The following RSBN1 variants were observed in gnomAD, a reference collection of about 807,000 sequenced individuals.
RSBN1 encodes round spermatid basic protein 1.
Under a neutral mutation model 74.8 loss-of-function variants are expected in RSBN1, and 23 were observed. The observed-to-expected ratio is 0.31, with a 90% CI of 0.22 to 0.44. The LOEUF (loss-of-function observed/expected upper bound fraction) is 0.44. Ranked by LOEUF, RSBN1 falls within the 20% of genes least tolerant of loss-of-function variation. The pLI, the probability that RSBN1 is intolerant of heterozygous loss-of-function variation, is 1.00. For missense variants in RSBN1, 808 were observed against 1,020.9 expected, an observed-to-expected ratio of 0.79 and a Z score of 2.84; for synonymous variants, 407 against 379.6, an observed-to-expected ratio of 1.07 and a Z score of -0.84.
At position 113,811,747 on chromosome 1, in the gene RSBN1, C is replaced by A. The variant is rs377132968; in HGVS notation, c.666G>T (p.Arg222Ser). ...KHKDKQENGE[R>S]TGGVPLIKAP... ...CTTTGATCAGAGGCACCCCTCCAGT[C>A]CTCTCGCCGTTTTCCTGCTTGTCCT... The change falls in exon 1 of 7, where the codon AGG becomes AGT. Residue 222 changes from arginine to serine, a missense_variant. Physicochemically the swap from Arg to Ser is moderately radical, Grantham distance 110. Around this residue, in one of 6 missense-constraint regions of RSBN1, gnomAD observed 464 missense variants for 401.0 expected, o/e 1.16. Coordinates refer to ENST00000261441, the MANE Select transcript of RSBN1 (RefSeq NM_018364.5). 4 of 1,611,540 alleles carry A rather than the reference C, an allele frequency of 2.5e-6. No homozygotes were observed. The highest frequency in any genetic ancestry group is 1.1e-5 in the South Asian group (1 of 90,592).
At chr1:113,807,746 A>G (rs1660737199) in intron 1 of RSBN1, among the ~76,000 whole-genome samples, 1 of 150,938 alleles carries the variant, frequency 6.6e-6, no homozygotes, top group African/African-American at 2.4e-5. Context: ...GGGCAACAAG[A>G]GTGAAATTCT....
intron 1 of RSBN1, among the ~76,000 whole-genome samples, chr1:113,802,011 G>A (rs917946661): frequency 6.6e-5 from 10 of 151,328 alleles, no homozygotes; most frequent in African/African-American, 2.4e-4. Flanking sequence ...CTGGAGGGCA[G>A]TGGCGCAATC....
intron 4 of RSBN1, among the ~76,000 whole-genome samples, chr1:113,770,211 G>A (rs753984235): frequency 1.3e-5 from 2 of 152,204 alleles, no homozygotes; most frequent in Non-Finnish European, 2.9e-5. Flanking sequence ...AGAAGTACAA[G>A]AAAAGATACT....
chr1:113,778,707 G>A (rs764766124), intron 2 of RSBN1, among the ~76,000 whole-genome samples: 7 of 152,006 alleles, frequency 4.6e-5, no homozygotes, highest in South Asian at 2.1e-4. Flanking sequence ...AACCCAAATC[G>A]TATCCATCTT....
At chr1:113,777,913 C>A in intron 2 of RSBN1, 105 bp from the exon 3 acceptor site, 1 of 1,086,502 alleles carries the variant, frequency 9.2e-7, no homozygotes, top group Non-Finnish European at 1.2e-6. Flanking sequence ...CTTCTACAAA[C>A]TAAGAACTGA....
intron 1 of RSBN1, among the ~76,000 whole-genome samples, chr1:113,803,122 C>A (rs1660619348): frequency 6.6e-6 from 1 of 152,168 alleles, no homozygotes; most frequent in Admixed American, 6.5e-5. Flanking sequence ...TTCAGGATGG[C>A]TTCTTCCACT....
chr1:113,766,977 TTAACAG>T (rs1659792674), intron 6 of RSBN1, 116 bp downstream of exon 6: 1 of 573,588 alleles, frequency 1.7e-6, no homozygotes, highest in African/African-American at 1.9e-5. Flanking sequence ...ACCCCAGTCT[TTAACAG>T]TAATAAAATT....
At chr1:113,779,831 GC>G (rs1393394232) in intron 2 of RSBN1, among the ~76,000 whole-genome samples, 1 of 151,408 alleles carries the variant, frequency 6.6e-6, no homozygotes, top group Non-Finnish European at 1.5e-5. Context: ...GACCAGCCTG[GC>G]CGAGATGGTG....
intron 2 of RSBN1, among the ~76,000 whole-genome samples, chr1:113,781,227 C>G (rs1660134069): frequency 6.6e-6 from 1 of 152,090 alleles, no homozygotes; most frequent in Non-Finnish European, 1.5e-5. Flanking sequence ...ATATATATAC[C>G]TTTTTCACAT....
At chr1:113,792,796 CAAAGAAAGGAG>C (rs1467419970) in intron 2 of RSBN1, among the ~76,000 whole-genome samples, 1 of 151,176 alleles carries the variant, frequency 6.6e-6, no homozygotes, top group African/African-American at 2.4e-5. Flanking sequence ...GAGACCTCAT[CAAAGAAAGGAG>C]AAAGAAAGGA....
Position 113,812,333 on chromosome 1 carries a change from G to T in RSBN1, c.80C>A (p.Ala27Glu), listed in dbSNP as rs768658288. 72 of 1,603,648 alleles carry T rather than the reference G, an allele frequency of 4.5e-5. No individual in the cohort carries two copies. In the East Asian group the frequency reaches 1.2e-3, roughly 26 times the overall value. The change falls in exon 1 of 7, where the codon GCG (alanine) becomes GAG (glutamate). Residue 27 changes from alanine (A) to glutamate (E), a missense_variant. Physicochemically the swap from Ala to Glu is moderately radical, Grantham distance 107 (BLOSUM62 -1). Coordinates refer to ENST00000261441, the MANE Select transcript of RSBN1 (RefSeq NM_018364.5). ...CCCGTCCGCGCATCGCGCAAGCGCC[G>T]CCCGCGCACTGCCCGCTGGGCATTG... ...RLQCPAGSAR[A>E]ALARCADGGA... is the part of the protein sequence containing the mutation.
At chr1:113,791,234 A>T (rs989500919) in intron 2 of RSBN1, among the ~76,000 whole-genome samples, 4 of 151,982 alleles carry the variant, frequency 2.6e-5, no homozygotes, top group African/African-American at 9.7e-5. Context: ...TATGCCTATT[A>T]AAAAAAATAA....
In RSBN1 at chr1:113,795,409, C is replaced by G. The variant is rs12071676; in HGVS notation, c.1377+1954G>C. ...AAGCATTTCTATAAACCATGAAGTG[C>G]GAAATCAATTTGAACTACTGTGTTA... is the stretch of plus-strand genomic sequence containing the variant. On this transcript the variant is annotated intron_variant, in intron 2 of 6. Transcript: ENST00000261441. 2.0e-5 allele frequency among the ~76,000 whole-genome samples: 3 copies of G among 152,164 alleles called. No individual in the cohort carries two copies. The East Asian group carries it at 5.8e-4, about 29-fold the overall frequency.
intron 1 of RSBN1, 127 bp from the exon 2 acceptor site, chr1:113,798,163 G>T: frequency 2.6e-6 from 2 of 755,760 alleles, no homozygotes; most frequent in Non-Finnish European, 4.3e-6. Flanking sequence ...CAACTTACGT[G>T]TTTAGAAAAC....
chr1:113,811,174 T>C (rs1660834761), intron 1 of RSBN1, among the ~76,000 whole-genome samples: 1 of 152,224 alleles, frequency 6.6e-6, no homozygotes, highest in African/African-American at 2.4e-5. Context: ...TTAAAATGAT[T>C]TTTACCTCTA....
intron 1 of RSBN1, among the ~76,000 whole-genome samples, chr1:113,806,662 TA>T (rs1318131994): frequency 6.6e-6 from 1 of 150,774 alleles, no homozygotes; most frequent in Non-Finnish European, 1.5e-5. Flanking sequence ...GTAAATTGGA[TA>T]TCAACAAAAT....
intron 1 of RSBN1, among the ~76,000 whole-genome samples, chr1:113,802,526 T>G (rs1290364290): frequency 6.6e-6 from 1 of 152,196 alleles, no homozygotes; most frequent in Non-Finnish European, 1.5e-5. Context: ...CTACTCATTT[T>G]GAAAGCCAAA....
Position 113,764,181 on chromosome 1 carries a change from C to T in RSBN1, c.*1799G>A, listed in dbSNP as rs1234515726. The T allele has an allele frequency of 6.6e-6, 1 of 152,622 alleles. No homozygotes were observed. The highest frequency in any genetic ancestry group is 2.4e-5 in the African/African-American group (1 of 41,400). 9.5% of individuals were successfully genotyped at this position (152,622 alleles called of 1,614,324 possible). On this transcript the variant is annotated 3_prime_UTR_variant, in exon 7 of 7. Coordinates refer to ENST00000261441, the MANE Select transcript of RSBN1 (RefSeq NM_018364.5). ...CTAGTCTGGATAAACTGGAATTTACCCTAGAATTTATACCCAAGATTTAAA... is the reference window on the plus strand; with the variant it reads ...CTAGTCTGGATAAACTGGAATTTACTCTAGAATTTATACCCAAGATTTAAA...
At chr1:113,794,410 C>T (rs1228079681) in intron 2 of RSBN1, among the ~76,000 whole-genome samples, 1 of 152,116 alleles carries the variant, frequency 6.6e-6, no homozygotes, top group African/African-American at 2.4e-5. Flanking sequence ...GGAAAAAGTA[C>T]TAACTTTTTA....
Sources: allele counts gnomAD v4.1 joint callset (sites outside exome capture counted in the v4.1 genomes callset), GRCh38; gene constraint gnomAD v4.1.1; regional missense constraint gnomAD v4.1.1; transcripts MANE v1.5; gene names NCBI Gene and HGNC (gene_info 2026-07-23, HGNC 2026-07-21).